Variants in TEFM observed in about 807,000 individuals in gnomAD.
TEFM encodes transcription elongation factor of mitochondria.
Under a neutral mutation model 23.0 loss-of-function variants are expected in TEFM, and 14 were observed. That is an observed-to-expected ratio of 0.61 (90% CI 0.40 to 0.95). TEFM has a LOEUF of 0.95. Ranked by LOEUF, TEFM falls within the 40% of genes least tolerant of loss-of-function variation. The pLI is 0.00. For synonymous variants in TEFM, 155 were observed against 158.3 expected (o/e 0.98, Z 0.16); for missense variants, 386 against 425.5 (o/e 0.91, Z 0.82).
At chr17:30,905,793 A>T (rs948497028) in intron 1 of TEFM, among the ~76,000 whole-genome samples, 14 of 152,182 alleles carry the variant, frequency 9.2e-5, no homozygotes, top group Non-Finnish European at 1.5e-5. Flanking sequence ...ATGTGGCCAG[A>T]GGTAAGCAAG....
intron 2 of TEFM, 174 bp downstream of exon 2, chr17:30,903,887 TCTCTC>T (rs1393160564): frequency 2.3e-5 from 13 of 568,360 alleles, no homozygotes; most frequent in East Asian, 1.2e-4. Flanking sequence ...CCCATTGTTT[TCTCTC>T]CTCTCAACTG....
chr17:30,899,130 G>C lies in TEFM; in HGVS notation c.*39C>G. ...GTTCACAACAGTTGGTGTTACGTTAGAGCTAATAATTATACTTTAGCACGT... is the reference window on the plus strand; with the variant it reads ...GTTCACAACAGTTGGTGTTACGTTACAGCTAATAATTATACTTTAGCACGT... On this transcript the variant is annotated 3_prime_UTR_variant, in exon 4 of 4. Coordinates refer to ENST00000581216, the MANE Select transcript of TEFM (RefSeq NM_024683.4). The C allele has an allele frequency of 2.0e-6, 3 of 1,477,664 alleles. No individual in the cohort carries two copies. The highest frequency in any genetic ancestry group is 2.7e-6 in the Non-Finnish European group (3 of 1,101,080). 91.5% of individuals were successfully genotyped at this position (1,477,664 alleles called of 1,614,324 possible).
intron 1 of TEFM, among the ~76,000 whole-genome samples, 194 bp from the exon 2 acceptor site, chr17:30,904,723 A>C (rs1389956110): frequency 1.4e-5 from 2 of 147,970 alleles, no homozygotes; most frequent in Admixed American, 1.4e-4. Context: ...TCTGTTGCCC[A>C]GGCTGGAGTG....
intron 2 of TEFM, among the ~76,000 whole-genome samples, chr17:30,903,729 G>A (rs190773136): frequency 2.6e-5 from 4 of 152,024 alleles, no homozygotes; most frequent in East Asian, 3.9e-4. Context: ...TATCTCCAAC[G>A]ACACTCCTCT....
chr17:30,903,210 G>T (rs1910083966), intron 2 of TEFM, among the ~76,000 whole-genome samples: 1 of 142,348 alleles, frequency 7.0e-6, no homozygotes, highest in South Asian at 2.3e-4. Flanking sequence ...AATAGAAAAA[G>T]AATTGCTTTT....
At chr17:30,899,859 A>C (rs1036860090) in intron 3 of TEFM, 2 of 303,166 alleles carry the variant, frequency 6.6e-6, no homozygotes, top group African/African-American at 4.3e-5. Context: ...TGGACTTCAT[A>C]ATTTCTAAAA....
rs900836101 is a variant in TEFM, at chr17:30,899,169, C to A, written c.1083G>T (p.Ter361TyrextTer12). The change falls in exon 4 of 4, where the codon TAG becomes TAT. Residue 361 changes from the stop codon to tyrosine (Y), a stop_lost. Transcript: ENST00000581216. ...ACTTTAGCACGTTAACCTCAGAATT[C>A]TAAGGCTGAGAGTCAAACACTGCTA... is the stretch of plus-strand genomic sequence containing the variant. ...YELAVFDSQP[*>Y] 2 of 1,573,904 alleles carry A rather than the reference C, an allele frequency of 1.3e-6. No individual in the cohort carries two copies. Among genetic ancestry groups the A allele is most frequent in the Non-Finnish European group, 1.7e-6 (2 of 1,158,520 alleles).
Position 30,906,231 on chromosome 17 carries a change from C to A in TEFM, c.-33G>T, listed in dbSNP as rs200335699. 1 of 1,614,224 alleles carries A rather than the reference C, an allele frequency of 6.2e-7. No homozygotes were observed. The highest frequency in any genetic ancestry group is 1.3e-5 in the African/African-American group (1 of 75,076). The stretch of plus-strand genomic sequence containing the variant: ...TTGAATCAGTAGGTCCAGTCTTCCT[C>A]CATTGACTTCCGGTTCCTGCGTGCT... On this transcript the variant is annotated 5_prime_UTR_variant, in exon 1 of 4. An upstream open reading frame in the 5' UTR gains an earlier in-frame stop. Transcript: ENST00000581216.
intron 2 of TEFM, 120 bp downstream of exon 2, chr17:30,903,946 T>C (rs1201713645): frequency 2.5e-6 from 2 of 790,254 alleles, no homozygotes; most frequent in East Asian, 5.3e-5. Context: ...AGTGATCATA[T>C]ACTTGCCAAC....
intron 2 of TEFM, 112 bp from the exon 3 acceptor site, chr17:30,900,674 T>C: frequency 3.3e-6 from 3 of 898,990 alleles, no homozygotes; most frequent in Non-Finnish European, 4.9e-6. Flanking sequence ...CGATCTCAAC[T>C]CACTACAAGC....
Position 30,904,416 on chromosome 17 carries a change from A to C in TEFM, c.145T>G (p.Phe49Val). The C allele has an allele frequency of 6.2e-7, 1 of 1,614,198 alleles. No individual in the cohort carries two copies. The highest frequency in any genetic ancestry group is 8.5e-7 in the Non-Finnish European group (1 of 1,180,044). The change falls in exon 2 of 4, where the codon TTT becomes GTT. Residue 49 changes from phenylalanine (F) to valine (V), a missense_variant. Physicochemically the swap from Phe to Val is conservative, Grantham distance 50. Coordinates refer to ENST00000581216, the MANE Select transcript of TEFM (RefSeq NM_024683.4). ...TPKKITPNVTFCDENAKEPEN... is the reference protein window; with the variant it reads ...TPKKITPNVTVCDENAKEPEN... The stretch of plus-strand genomic sequence containing the variant: ...GGCTCCTTTGCATTTTCATCACAAA[A>C]AGTAACATTGGGAGTAATTTTCTTA...
Position 30,899,311 on chromosome 17 carries a change from C to T in TEFM, c.941G>A (p.Arg314Gln), listed in dbSNP as rs755060682. The T allele has an allele frequency of 2.2e-5, 35 of 1,614,024 alleles. No individual in the cohort carries two copies. Among genetic ancestry groups the T allele is most frequent in the South Asian group, 4.4e-5 (4 of 91,088 alleles). The stretch of plus-strand genomic sequence containing the variant: ...TATTTTATCTGATGGGAAGAACACC[C>T]GAGGATCCGCCTTCAGTATAGAATC... The part of the protein sequence containing the change: ...LFDSILKADP[R>Q]VFFPSDKIVH... Residue 314 changes from arginine (R) to glutamine (Q), a missense_variant, in exon 4 of 4, where the codon CGG (arginine) becomes CAG (glutamine). Physicochemically the swap from Arg to Gln is conservative, Grantham distance 43. Transcript: ENST00000581216.
intron 2 of TEFM, among the ~76,000 whole-genome samples, chr17:30,901,003 A>G (rs772899314): frequency 6.6e-6 from 1 of 151,572 alleles, no homozygotes; most frequent in Non-Finnish European, 1.5e-5. Context: ...TGAACTGAGA[A>G]TTATTAAAGA....
In TEFM at chr17:30,900,508, G is replaced by A. The variant is rs1910016511; in HGVS notation, c.550C>T (p.His184Tyr). 1.2e-6 allele frequency: 2 copies of A among 1,614,150 alleles called. No individual in the cohort carries two copies. Among genetic ancestry groups the A allele is most frequent in the Non-Finnish European group, 1.7e-6 (2 of 1,179,996 alleles). ...AGCACTGTCAACTTACGATCAAGGT[G>A]AGCCCAGGCAATTCTTCGAGTACCA... ...VFGTRRIAWA[H>Y]LDRKLTVLDW... The change falls in exon 3 of 4, where the codon CAC becomes TAC. Residue 184 changes from histidine (H) to tyrosine (Y), a missense_variant. Transcript: ENST00000581216.
At chr17:30,905,150 A>C (rs1336637068) in intron 1 of TEFM, among the ~76,000 whole-genome samples, 1 of 152,216 alleles carries the variant, frequency 6.6e-6, no homozygotes, top group South Asian at 2.1e-4. Context: ...AAGTAGTTGA[A>C]ATAATTATTC....
At position 30,899,081 on chromosome 17, in the gene TEFM, G is replaced by A. The variant is rs1909979355; in HGVS notation, c.*88C>T. The A allele has an allele frequency of 1.6e-6, 2 of 1,234,786 alleles. No homozygotes were observed. Among genetic ancestry groups the A allele is most frequent in the Admixed American group, 2.3e-5 (1 of 43,498 alleles). 76.5% of individuals were successfully genotyped at this position (1,234,786 alleles called of 1,614,324 possible). On this transcript the variant is annotated 3_prime_UTR_variant, in exon 4 of 4. Transcript: ENST00000581216. ...TAAACATCTAAAATACACTGAAAAT[G>A]TGTTCTTTTCCAATAACATGGATGT...
intron 2 of TEFM, 167 bp downstream of exon 2, chr17:30,903,899 A>G: frequency 1.7e-6 from 1 of 595,048 alleles, no homozygotes; most frequent in South Asian, 2.6e-5. Context: ...TCTCCTCTCA[A>G]CTGCCAATTT....
intron 3 of TEFM, 30 bp downstream of exon 3, chr17:30,900,383 G>C (rs1173840606): frequency 6.2e-7 from 1 of 1,608,710 alleles, no homozygotes; most frequent in African/African-American, 1.3e-5. Context: ...AGCTCTAGCA[G>C]GTAGGAATCT....
At chr17:30,902,603 T>G (rs1446164723) in intron 2 of TEFM, among the ~76,000 whole-genome samples, 1 of 152,212 alleles carries the variant, frequency 6.6e-6, no homozygotes, top group Non-Finnish European at 1.5e-5. Flanking sequence ...GCAGTTCTAC[T>G]TGGAGTCCAT....
Sources: allele counts gnomAD v4.1 joint callset (sites outside exome capture counted in the v4.1 genomes callset), GRCh38; gene constraint gnomAD v4.1.1; transcripts MANE v1.5; gene names NCBI Gene and HGNC (gene_info 2026-07-23, HGNC 2026-07-21).